Variants in MYLK observed in about 807,000 individuals in gnomAD.
MYLK encodes the protein myosin light chain kinase, smooth muscle.
In MYLK, 106 loss-of-function variants were observed where a neutral mutation model predicts 203.4. The observed-to-expected ratio is 0.52, with a 90% CI of 0.45 to 0.61. The LOEUF (loss-of-function observed/expected upper bound fraction) is 0.61, where lower values mean the gene tolerates loss of function less well. MYLK is among the 20% of genes least tolerant of loss of function. MYLK has a pLI of 0.00. For synonymous variants in MYLK, 867 were observed against 959.5 expected, an observed-to-expected ratio of 0.90 and a Z score of 1.78; for missense variants, 2,072 against 2,442.3, an observed-to-expected ratio of 0.85 and a Z score of 3.20.
chr3:123,863,612 T>C (rs939243731), intron 2 of MYLK, among the ~76,000 whole-genome samples: 2 of 152,104 alleles, frequency 1.3e-5, no homozygotes, highest in Non-Finnish European at 2.9e-5. Flanking sequence ...GCGCTTAATA[T>C]CCTTAATTAT....
intron 29 of MYLK, among the ~76,000 whole-genome samples, chr3:123,636,821 T>G (rs1324436795): frequency 6.6e-6 from 1 of 152,130 alleles, no homozygotes; most frequent in Non-Finnish European, 1.5e-5. Flanking sequence ...GTGGGGCTAA[T>G]CCCAGGCAGG....
At chr3:123,739,691 G>T (rs1002744093) in intron 6 of MYLK, among the ~76,000 whole-genome samples, 1 of 152,146 alleles carries the variant, frequency 6.6e-6, no homozygotes, top group African/African-American at 2.4e-5. Context: ...TCTGACTATT[G>T]CCTTGATTGT....
intron 9 of MYLK, 24 bp from the exon 10 acceptor site, chr3:123,734,246 T>TGGGGG: frequency 7.1e-7 from 1 of 1,415,800 alleles, no homozygotes; most frequent in Non-Finnish European, 9.3e-7. Context: ...AGGGTGGGGG[T>TGGGGG]AGGGTGGGTG....
In MYLK at chr3:123,700,642, C is replaced by A. The variant is rs371613462; in HGVS notation, c.2826G>T (p.Glu942Asp). ...CCTGCTGGGGGCTGTGCACCTTCCT[C>A]TCTTCCTCAGACACAGTCTTTGGCT... ...QVKPKTVSEE[E>D]RKVHSPQQVD... Residue 942 changes from glutamate to aspartate, a missense_variant, in exon 18 of 34, where the codon GAG becomes GAT. Glu to Asp is a conservative substitution (Grantham distance 45, BLOSUM62 2). Transcript: ENST00000360304. 1 of 1,614,004 alleles carries A rather than the reference C, an allele frequency of 6.2e-7. No homozygotes were observed. Among genetic ancestry groups the A allele is most frequent in the South Asian group, 1.1e-5 (1 of 91,090 alleles).
chr3:123,741,927 C>T (rs1262652001), intron 5 of MYLK, among the ~76,000 whole-genome samples: 1 of 152,230 alleles, frequency 6.6e-6, no homozygotes, highest in Non-Finnish European at 1.5e-5. Flanking sequence ...GGGCTCCATC[C>T]CAGCCACAAT....
At chr3:123,809,832 A>C (rs888529094) in intron 3 of MYLK, among the ~76,000 whole-genome samples, 1 of 152,180 alleles carries the variant, frequency 6.6e-6, no homozygotes, top group Non-Finnish European at 1.5e-5. Flanking sequence ...CCACAGCCAC[A>C]ACACACAGCC....
chr3:123,732,661 C>A (rs1235545215), intron 11 of MYLK, among the ~76,000 whole-genome samples: 7 of 152,270 alleles, frequency 4.6e-5, no homozygotes, highest in South Asian at 4.2e-4. Context: ...GTCAGTTGGG[C>A]TGGGTGTGGG....
intron 5 of MYLK, among the ~76,000 whole-genome samples, chr3:123,747,180 G>A (rs2063045224): frequency 6.6e-6 from 1 of 152,140 alleles, no homozygotes; most frequent in Non-Finnish European, 1.5e-5. Flanking sequence ...GGTGGCCCGA[G>A]AATCCTGGTG....
chr3:123,708,984 G>A, intron 14 of MYLK, 89 bp from the exon 15 acceptor site: 1 of 1,095,556 alleles, frequency 9.1e-7, no homozygotes, highest in Non-Finnish European at 1.4e-6. Flanking sequence ...GATATTGGAT[G>A]AAACACTCCA....
rs773664976 is a variant in MYLK, at chr3:123,610,331, G to A, written c.*3774C>T. ...ATAAGCCTGTATCAGGATAGTCTAGGTTATGTTGCAGCCACTGAGAACCCC... is the reference window on the plus strand; with the variant it reads ...ATAAGCCTGTATCAGGATAGTCTAGATTATGTTGCAGCCACTGAGAACCCC... On this transcript the variant is annotated 3_prime_UTR_variant, in exon 34 of 34. Transcript: ENST00000360304. 4 of 152,140 alleles carry A rather than the reference G, an allele frequency of 2.6e-5. No homozygotes were observed. The highest frequency in any genetic ancestry group is 4.4e-5 in the Non-Finnish European group (3 of 68,018). The allele number at this position is 152,140 out of a possible 1,614,324, so 9.4% of individuals were successfully genotyped here. A position where few individuals can be genotyped will look rare whatever the true frequency, so the allele number is the denominator to read the frequency against.
Position 123,711,280 on chromosome 3 carries a change from C to G in MYLK, c.1805-1387G>C, listed in dbSNP as rs144523987. Among the ~76,000 whole-genome samples, 29 of 152,250 alleles carry G rather than the reference C, an allele frequency of 1.9e-4. No homozygotes were observed. The East Asian group carries it at 5.6e-3, about 29-fold the overall frequency. On this transcript the variant is annotated intron_variant, in intron 13 of 33. Coordinates refer to ENST00000360304, the MANE Select transcript of MYLK (RefSeq NM_053025.4). Reference sequence around the variant, plus strand: ...CAATGAGAATTTCACTTTTAAAAATCATGGCAAAGGTTTCATGTGTGTGCA... The same window carrying G: ...CAATGAGAATTTCACTTTTAAAAATGATGGCAAAGGTTTCATGTGTGTGCA...
chr3:123,737,099 G>C, intron 8 of MYLK: 1 of 452,258 alleles, frequency 2.2e-6, no homozygotes, highest in Non-Finnish European at 4.1e-6. Flanking sequence ...TGTGCCTGTA[G>C]TCCCAGCCAC....
Position 123,700,412 on chromosome 3 carries a change from G to C in MYLK, c.3056C>G (p.Pro1019Arg). ...GCCCACGGGTTTCAAGGGCCCTGAA[G>C]GCTGTGCATTGCTCAGGGGCTTGGA... ...ESSKPLSNAQ[P>R]SGPLKPVGNA... The change falls in exon 18 of 34, where the codon CCT becomes CGT. Residue 1019 changes from proline to arginine, a missense_variant. Pro to Arg is a moderately radical substitution (Grantham distance 103). This residue lies in a region of MYLK where 865 missense variants were observed against 1,016.0 expected (regional missense o/e 0.85). Coordinates refer to ENST00000360304, the MANE Select transcript of MYLK (RefSeq NM_053025.4). 6.2e-7 allele frequency: 1 copy of C among 1,613,258 alleles called. No individual in the cohort carries two copies. Among genetic ancestry groups the C allele is most frequent in the South Asian group, 1.1e-5 (1 of 90,968 alleles).
At chr3:123,801,460 T>C (rs1347495268) in intron 3 of MYLK, among the ~76,000 whole-genome samples, 1 of 152,230 alleles carries the variant, frequency 6.6e-6, no homozygotes, top group Non-Finnish European at 1.5e-5. Context: ...GGAGTACATG[T>C]GCAGGTTTAT....
At chr3:123,697,620 T>C (rs1320087268) in intron 18 of MYLK, among the ~76,000 whole-genome samples, 4 of 152,200 alleles carry the variant, frequency 2.6e-5, no homozygotes, top group African/African-American at 4.8e-5. Flanking sequence ...GGCAAGGTAC[T>C]TAACTTCTCT....
intron 4 of MYLK, among the ~76,000 whole-genome samples, chr3:123,765,499 C>G (rs2063674817): frequency 2.0e-5 from 3 of 149,848 alleles, no homozygotes; most frequent in East Asian, 2.0e-4. Context: ...CCATTGCACT[C>G]TAGCCTGGGT....
chr3:123,669,931 C>A (rs755674806), intron 20 of MYLK, among the ~76,000 whole-genome samples: 1 of 146,870 alleles, frequency 6.8e-6, no homozygotes, highest in Non-Finnish European at 1.5e-5. Context: ...GCTACTCAGG[C>A]GGCTGAGGCA....
At chr3:123,851,651 C>T (rs546050365) in intron 2 of MYLK, among the ~76,000 whole-genome samples, 4 of 152,136 alleles carry the variant, frequency 2.6e-5, no homozygotes, top group Non-Finnish European at 4.4e-5. Context: ...TGGGCTGAGA[C>T]GATGGGGTTT....
intron 13 of MYLK, among the ~76,000 whole-genome samples, chr3:123,712,622 G>A (rs1341474041): frequency 6.6e-6 from 1 of 152,190 alleles, no homozygotes; most frequent in African/African-American, 2.4e-5. Context: ...CCTCCCCTGG[G>A]AGCTCAGAAG....
Sources: allele counts gnomAD v4.1 joint callset (sites outside exome capture counted in the v4.1 genomes callset), GRCh38; gene constraint gnomAD v4.1.1; regional missense constraint gnomAD v4.1.1; transcripts MANE v1.5; gene names NCBI Gene and HGNC (gene_info 2026-07-23, HGNC 2026-07-21).